Variants in ATAD2B observed in about 807,000 individuals in gnomAD.
ATAD2B encodes the protein ATPase family AAA domain containing 2B.
In ATAD2B, 40 loss-of-function variants were observed where a neutral mutation model predicts 167.6. That is an observed-to-expected ratio of 0.24 (90% CI 0.19 to 0.31). The LOEUF (loss-of-function observed/expected upper bound fraction) is 0.31. Among genes scored for constraint, ATAD2B ranks in the 10% least tolerant of loss-of-function variants. The pLI is 1.00. For missense variants in ATAD2B, 1,242 were observed against 1,757.2 expected (o/e 0.71, Z 5.24); for synonymous variants, 579 against 596.5 (o/e 0.97, Z 0.43).
chr2:23,861,419 C>T (rs1694349006), intron 12 of ATAD2B, among the ~76,000 whole-genome samples: 2 of 149,284 alleles, frequency 1.3e-5, no homozygotes, highest in Non-Finnish European at 3.0e-5. Context: ...CACTGTAGTG[C>T]CTTCATTTCA....
chr2:23,693,447 C>T, the ATAD2B span: 1 of 1,551,752 alleles, frequency 6.4e-7, no homozygotes, highest in Non-Finnish European at 8.7e-7. Flanking sequence ...TCTCCAACGA[C>T]AGCCTCAACA....
At chr2:23,857,739 ATTTTTT>A (rs34857462) in intron 12 of ATAD2B, among the ~76,000 whole-genome samples, 1 of 120,658 alleles carries the variant, frequency 8.3e-6, no homozygotes, top group African/African-American at 3.1e-5. Flanking sequence ...ACCAAAGTGT[ATTTTTT>A]TTTTTTTTTT....
At chr2:23,801,390 C>G (rs1440618513) in intron 18 of ATAD2B, among the ~76,000 whole-genome samples, 1 of 151,924 alleles carries the variant, frequency 6.6e-6, no homozygotes, top group South Asian at 2.1e-4. Context: ...TTCAATGAAG[C>G]GGCAACTGGC....
chr2:23,744,724 G>A (rs76465769), downstream of ATAD2B, among the ~76,000 whole-genome samples: 14 of 152,182 alleles, frequency 9.2e-5, no homozygotes, highest in East Asian at 7.7e-4. Flanking sequence ...GACTCCAGCC[G>A]CATACTATTA....
the ATAD2B span, among the ~76,000 whole-genome samples, chr2:23,733,507 A>C: frequency 4.6e-5 from 7 of 152,214 alleles, no homozygotes; most frequent in Non-Finnish European, 1.0e-4. Flanking sequence ...GGTTTGAACA[A>C]TCATTTATAG....
chr2:23,804,350 G>C (rs1242338450), intron 18 of ATAD2B, among the ~76,000 whole-genome samples: 1 of 152,182 alleles, frequency 6.6e-6, no homozygotes, highest in Admixed American at 6.5e-5. Flanking sequence ...GAGGGTGGGT[G>C]TCTGCTATCA....
intron 12 of ATAD2B, among the ~76,000 whole-genome samples, chr2:23,861,960 G>A (rs1694436459): frequency 6.6e-6 from 1 of 152,126 alleles, no homozygotes; most frequent in Non-Finnish European, 1.5e-5. Context: ...CAACACTTTG[G>A]GAGGCCAAGG....
At chr2:23,760,321 G>C (rs532545980) in intron 24 of ATAD2B, among the ~76,000 whole-genome samples, 1 of 152,110 alleles carries the variant, frequency 6.6e-6, no homozygotes, top group Non-Finnish European at 1.5e-5. Context: ...ACAGTACCTG[G>C]CATGTGGCAA....
chr2:23,921,918 TTC>T (rs552446985), intron 1 of ATAD2B, among the ~76,000 whole-genome samples: 138 of 152,326 alleles, frequency 9.1e-4, no homozygotes, highest in African/African-American at 3.3e-3. Flanking sequence ...CCTCTCAGAC[TTC>T]TTTTACCTCT....
downstream of ATAD2B, among the ~76,000 whole-genome samples, chr2:23,745,422 A>AAGGAAGGAAGGAAGGAAGGG (rs1491261605): frequency 4.7e-5 from 4 of 85,012 alleles, no homozygotes; most frequent in African/African-American, 1.1e-4. Context: ...GGAAGGAAGG[A>AAGGAAGGAAGGAAGGAAGGG]AAGGGAAGGG....
chr2:23,849,559 C>T (rs1304700597), intron 13 of ATAD2B, among the ~76,000 whole-genome samples: 1 of 152,200 alleles, frequency 6.6e-6, no homozygotes, highest in African/African-American at 2.4e-5. Flanking sequence ...AGGCCAGACA[C>T]AGTGGCTCAC....
intron 8 of ATAD2B, 98 bp downstream of exon 8, chr2:23,875,731 A>C: frequency 1.2e-6 from 1 of 813,072 alleles, no homozygotes; most frequent in East Asian, 2.7e-5. Flanking sequence ...ATAGTAGCTA[A>C]ATAGGATGAC....
chr2:23,737,000 C>T, the ATAD2B span, among the ~76,000 whole-genome samples: 6 of 152,290 alleles, frequency 3.9e-5, no homozygotes, highest in South Asian at 2.1e-4. Context: ...GGGGGAGGGG[C>T]GCCTGCATTG....
At chr2:23,765,738 G>A in intron 22 of ATAD2B, 110 bp from the exon 23 acceptor site, 3 of 693,846 alleles carry the variant, frequency 4.3e-6, no homozygotes, top group African/African-American at 1.9e-5. Flanking sequence ...AGCATTGCTA[G>A]GTGAGAAAAA....
chr2:23,825,585 TAAC>T (rs1050067558), intron 15 of ATAD2B, among the ~76,000 whole-genome samples: 3 of 152,202 alleles, frequency 2.0e-5, no homozygotes, highest in African/African-American at 7.2e-5. Context: ...TATAAAGAGT[TAAC>T]AAAGTAATCT....
the ATAD2B span, among the ~76,000 whole-genome samples, chr2:23,712,600 AAAGGG>A: frequency 6.6e-6 from 1 of 152,290 alleles, no homozygotes; most frequent in East Asian, 1.9e-4. Context: ...CCTCGGCCCC[AAAGGG>A]AATATCATGA....
Position 23,924,187 on chromosome 2 carries a change from A to C in ATAD2B, c.216+2368T>G, listed in dbSNP as rs533769095. On this transcript the variant is annotated intron_variant, in intron 1 of 27. Transcript: ENST00000238789. ...CTACAGCGAGACTCCGTCTCAAAAA[A>C]AAACAAACAAACAAACATGGCACAA... 1.8e-3 allele frequency among the ~76,000 whole-genome samples: 275 copies of C among 152,362 alleles called. 1 individual carries two copies. The highest frequency in any genetic ancestry group is 2.1e-3 in the Non-Finnish European group (140 of 68,028).
downstream of ATAD2B, among the ~76,000 whole-genome samples, chr2:23,744,291 T>A (rs1674682391): frequency 2.0e-5 from 3 of 152,078 alleles, no homozygotes; most frequent in South Asian, 6.2e-4. Flanking sequence ...AATTTTTTTT[T>A]TTTTTTGGAG....
intron 13 of ATAD2B, among the ~76,000 whole-genome samples, chr2:23,850,921 G>C (rs1692468544): frequency 6.6e-6 from 1 of 152,088 alleles, no homozygotes; most frequent in African/African-American, 2.4e-5. Context: ...AGGTAATTAG[G>C]ACACAAGGGC....
Sources: gnomAD v4.1 joint callset for allele counts (sites outside exome capture counted in the v4.1 genomes callset) on GRCh38, gnomAD v4.1.1 for gene constraint, MANE v1.5 for transcripts, NCBI Gene and HGNC (gene_info 2026-07-23, HGNC 2026-07-21) for gene names.